LAMP2: variants seen among roughly 807,000 people sequenced by gnomAD.
The protein encoded by LAMP2 is lysosome-associated membrane glycoprotein 2.
In LAMP2, 4 loss-of-function variants were observed where a neutral mutation model predicts 25.6. The observed-to-expected ratio is 0.16, with a 90% confidence interval of 0.08 to 0.36. The LOEUF (loss-of-function observed/expected upper bound fraction) is 0.36. Among genes scored for constraint, LAMP2 ranks in the 10% least tolerant of loss-of-function variants. The probability of loss-of-function intolerance (pLI) is 1.00; values close to 1 mark genes in which losing one functional copy is unlikely to be tolerated. For synonymous variants in LAMP2, 108 were observed against 112.7 expected (o/e 0.96, Z 0.27); for missense variants, 272 against 301.4 (o/e 0.90, Z 0.72).
chrX:120,460,582 T>C (rs1921275843), intron 1 of LAMP2, among the ~76,000 whole-genome samples: 1 of 112,475 alleles, frequency 8.9e-6, no homozygotes, highest in South Asian at 3.6e-4. Flanking sequence ...CTTTCCTCAA[T>C]TTTAGGTTTT....
chrX:120,439,400 CT>C, intron 8 of LAMP2: 1 of 692,184 alleles, frequency 1.4e-6, no homozygotes, highest in Non-Finnish European at 2.3e-6. Context: ...ACAAGATCAA[CT>C]TCAAGTAACT....
At chrX:120,436,038 C>T (rs1306918505) in intron 8 of LAMP2, among the ~76,000 whole-genome samples, 1 of 110,043 alleles carries the variant, frequency 9.1e-6, no homozygotes, top group African/African-American at 3.3e-5. Flanking sequence ...GAAAAGTGTA[C>T]AAAGAGATAC....
At chrX:120,464,152 G>A (rs956798927) in intron 1 of LAMP2, among the ~76,000 whole-genome samples, 1 of 111,155 alleles carries the variant, frequency 9.0e-6, no homozygotes, top group Non-Finnish European at 1.9e-5. Flanking sequence ...TCGAGACTAC[G>A]GAGGTATATC....
At chrX:120,460,198 G>A (rs1921259929) in intron 1 of LAMP2, among the ~76,000 whole-genome samples, 1 of 110,048 alleles carries the variant, frequency 9.1e-6, no homozygotes, top group Admixed American at 9.7e-5. Flanking sequence ...GCTTGAACCT[G>A]TGAGGTAGAG....
chrX:120,454,914 T>TATATAC (rs1556111451), intron 3 of LAMP2, among the ~76,000 whole-genome samples: 2 of 69,820 alleles, frequency 2.9e-5, no homozygotes, highest in Non-Finnish European at 2.6e-5. Flanking sequence ...TATATATATA[T>TATATAC]ACACACACAC....
At chrX:120,436,794 T>C (rs780585526) in intron 8 of LAMP2, 33 of 719,262 alleles carry the variant, frequency 4.6e-5, no homozygotes, top group Admixed American at 8.7e-5. Context: ...AACTGGCCCA[T>C]GTAAAATACA....
chrX:120,466,075 T>C (rs1338515814), intron 1 of LAMP2, among the ~76,000 whole-genome samples: 1 of 111,679 alleles, frequency 9.0e-6, no homozygotes, highest in Non-Finnish European at 1.9e-5. Context: ...CAAATCCTGC[T>C]CTGAACTTGG....
At chrX:120,442,279 A>G (rs1376697990) in intron 7 of LAMP2, among the ~76,000 whole-genome samples, 1 of 108,525 alleles carries the variant, frequency 9.2e-6, no homozygotes, top group East Asian at 2.9e-4. Flanking sequence ...TTTTCAGTGA[A>G]GGCCTGGGGG....
chrX:120,446,563 T>C (rs2058597225), intron 5 of LAMP2, 136 bp from the exon 6 acceptor site: 2 of 650,286 alleles, frequency 3.1e-6, no homozygotes, highest in South Asian at 2.4e-5. Flanking sequence ...ATTCATGGTG[T>C]CTTCACTTTC....
rs762305947 is a variant in LAMP2, at chrX:120,469,176, G to A, written c.-7C>T. The A allele has an allele frequency of 7.7e-5, 93 of 1,210,034 alleles. No homozygotes were observed. Among genetic ancestry groups the A allele is most frequent in the Non-Finnish European group, 9.9e-5 (89 of 894,753 alleles). On this transcript the variant is annotated 5_prime_UTR_variant, in exon 1 of 9. Coordinates refer to ENST00000200639, the MANE Select transcript of LAMP2 (RefSeq NM_002294.3). ...AGAGGCGGAAGCACACCATGACCCC[G>A]CAGAGCAGGCGGCGACGGCGGCGAC...
intron 1 of LAMP2, among the ~76,000 whole-genome samples, chrX:120,467,573 C>T (rs1013205200): frequency 5.4e-5 from 6 of 111,609 alleles, no homozygotes; most frequent in African/African-American, 2.0e-4. Context: ...TGGGTCTGTT[C>T]TTTATGTTAT....
chrX:120,431,416 C>T lies in LAMP2; in HGVS notation c.1140G>A (p.Ala380=), dbSNP rs1029569080. The T allele has an allele frequency of 7.4e-6, 9 of 1,211,156 alleles. No homozygotes were observed. The highest frequency in any genetic ancestry group is 5.2e-5 in the African/African-American group (3 of 57,832). The change falls in exon 9 of 9, where the codon GCG becomes GCA. Residue 380 remains alanine (A), a synonymous_variant. Transcript: ENST00000200639. The part of the protein sequence containing the change: ...ADDDNFLVPI[A]VGAALAGVLI... ...GTACTCCTGCCAAGGCAGCTCCCAC[C>T]GCTATGGGCACAAGGAAGTTGTCGT...
At chrX:120,450,995 T>C (rs1321439207) in intron 3 of LAMP2, among the ~76,000 whole-genome samples, 1 of 110,296 alleles carries the variant, frequency 9.1e-6, no homozygotes, top group Non-Finnish European at 1.9e-5. Context: ...TGGCATGATA[T>C]GAGCTCACTG....
Position 120,436,129 on chromosome X carries a change from T to TACACAC in LAMP2, c.1094-4673_1094-4668dup, listed in dbSNP as rs752616648. Among the ~76,000 whole-genome samples the TACACAC allele has an allele frequency of 8.0e-4, 72 of 89,653 alleles. 1 individual carries two copies. Among genetic ancestry groups the TACACAC allele is most frequent in the Middle Eastern group, 5.8e-3 (1 of 171 alleles). 77.9% of individuals were successfully genotyped at this position (89,653 alleles called of 115,157 possible). The stretch of plus-strand genomic sequence containing the variant: ...ATGCATCAGGTTCAGCAGGGGAGCT[T>TACACAC]ACACACACACACACACACACACACA... On this transcript the variant is annotated intron_variant, in intron 8 of 8. Coordinates refer to ENST00000200639, the MANE Select transcript of LAMP2 (RefSeq NM_002294.3).
At chrX:120,446,900 TGAA>T (rs2058598765) in intron 5 of LAMP2, among the ~76,000 whole-genome samples, 1 of 111,834 alleles carries the variant, frequency 8.9e-6, no homozygotes, top group African/African-American at 3.3e-5. Flanking sequence ...GATCAAAGTG[TGAA>T]GGAGTTATAT....
At chrX:120,436,170 A>ACACACACACACACACACACACTCT (rs1251901451) in intron 8 of LAMP2, among the ~76,000 whole-genome samples, 1 of 57,307 alleles carries the variant, frequency 1.7e-5, no homozygotes, top group African/African-American at 5.0e-5. Flanking sequence ...ACACACACAC[A>ACACACACACACACACACACACTCT]CTCTCTCTCT....
At chrX:120,439,945 C>T (rs952786492) in intron 8 of LAMP2, among the ~76,000 whole-genome samples, 32 of 110,367 alleles carry the variant, frequency 2.9e-4, no homozygotes, top group African/African-American at 9.6e-4. Context: ...AAGCTGTAGC[C>T]CATGGGCCAG....
chrX:120,450,001 A>G (rs1484027644), intron 3 of LAMP2, among the ~76,000 whole-genome samples: 1 of 111,989 alleles, frequency 8.9e-6, no homozygotes, highest in Non-Finnish European at 1.9e-5. Flanking sequence ...ATCAGGACTT[A>G]GTGACTATAA....
In LAMP2 at chrX:120,449,007, T is replaced by C. The variant is rs1060504543; in HGVS notation, c.519A>G (p.Val173=). Residue 173 remains valine (V), a synonymous_variant, in exon 4 of 9, where the codon GTA becomes GTG. Coordinates refer to ENST00000200639, the MANE Select transcript of LAMP2 (RefSeq NM_002294.3). ...DVVQHYWDVL[V]QAFVQNGTVS... ...CTGTGCCATTTTGGACAAAAGCTTG[T>C]ACAAGAACATCCCAGTAGTGTTGGA... is the stretch of plus-strand genomic sequence containing the variant. 3.6e-5 allele frequency: 44 copies of C among 1,208,098 alleles called. No homozygotes were observed. The highest frequency in any genetic ancestry group is 4.5e-5 in the Non-Finnish European group (40 of 893,336).
Sources: gnomAD v4.1 joint callset for allele counts (sites outside exome capture counted in the v4.1 genomes callset) on GRCh38, gnomAD v4.1.1 for gene constraint, MANE v1.5 for transcripts, NCBI Gene and HGNC (gene_info 2026-07-23, HGNC 2026-07-21) for gene names.